The following COL13A1 variants were observed in gnomAD, a reference collection of about 807,000 sequenced individuals.
COL13A1 encodes collagen type XIII alpha 1 chain.
Under a neutral mutation model 130.9 loss-of-function variants are expected in COL13A1, and 89 were observed. The ratio of observed to expected loss-of-function variants is 0.68; its 90% CI spans 0.57 to 0.81. COL13A1 has a LOEUF of 0.81. Among genes scored for constraint, COL13A1 ranks in the 30% least tolerant of loss-of-function variants. The probability of loss-of-function intolerance (pLI) is 0.00; values close to 1 mark genes in which losing one functional copy is unlikely to be tolerated. For synonymous variants in COL13A1, 402 were observed against 341.6 expected (o/e 1.18, Z -1.95); for missense variants, 879 against 934.6 (o/e 0.94, Z 0.78).
intron 7 of COL13A1, among the ~76,000 whole-genome samples, chr10:69,883,320 G>C (rs1028162094): frequency 2.0e-5 from 3 of 152,208 alleles, no homozygotes; most frequent in African/African-American, 7.2e-5. Flanking sequence ...CTACCTCAAA[G>C]TGTGCCCATT....
chr10:69,879,410 G>A (rs1209844666), intron 6 of COL13A1: 2 of 152,170 alleles, frequency 1.3e-5, no homozygotes, highest in African/African-American at 4.8e-5. Flanking sequence ...CAGATGAGAA[G>A]ACAGGCACGG....
At chr10:69,952,229 C>T (rs2136318347) in intron 38 of COL13A1, among the ~76,000 whole-genome samples, 1 of 152,306 alleles carries the variant, frequency 6.6e-6, no homozygotes, top group Middle Eastern at 3.4e-3. Flanking sequence ...TACATATGTG[C>T]ACATGGACAC....
intron 38 of COL13A1, among the ~76,000 whole-genome samples, chr10:69,950,218 C>A (rs973423512): frequency 6.6e-6 from 1 of 152,110 alleles, no homozygotes; most frequent in African/African-American, 2.4e-5. Flanking sequence ...TTTTAAGAAG[C>A]CTTTGCCCCT....
intron 37 of COL13A1, 82 bp downstream of exon 37, chr10:69,945,806 C>T (rs2068429330): frequency 6.5e-7 from 1 of 1,527,964 alleles, no homozygotes. Context: ...GGCATGGTGG[C>T]TCACACCTGT....
At chr10:69,917,766 G>A (rs1366676524) in intron 18 of COL13A1, among the ~76,000 whole-genome samples, 1 of 151,838 alleles carries the variant, frequency 6.6e-6, no homozygotes, top group Non-Finnish European at 1.5e-5. Flanking sequence ...CAGTCCATGA[G>A]GGCAGAGGTG....
At chr10:69,926,946 T>C in intron 26 of COL13A1, 141 bp from the exon 27 acceptor site, 1 of 1,109,364 alleles carries the variant, frequency 9.0e-7, no homozygotes, top group Non-Finnish European at 1.4e-6. Context: ...CTGGGGGCCA[T>C]GGAGCCCACC....
Position 69,872,194 on chromosome 10 carries a change from G to T in COL13A1, c.383G>T (p.Gly128Val). The change falls in exon 4 of 41, where the codon GGA becomes GTA. Residue 128 changes from glycine to valine, a missense_variant. Physicochemically the swap from Gly to Val is moderately radical, Grantham distance 109. Coordinates refer to ENST00000645393, the MANE Select transcript of COL13A1 (RefSeq NM_001368882.1). ...NCPPGPPGPT[G>V]RPGLPGDKGA... ...CACTCTTCATTTCAGGGTCCCACTGGAAGACCCGGACTCCCAGTAAGTCAC... is the reference window on the plus strand; with the variant it reads ...CACTCTTCATTTCAGGGTCCCACTGTAAGACCCGGACTCCCAGTAAGTCAC... 2 of 1,614,048 alleles carry T rather than the reference G, an allele frequency of 1.2e-6. No individual in the cohort carries two copies. Among genetic ancestry groups the T allele is most frequent in the Non-Finnish European group, 1.7e-6 (2 of 1,179,908 alleles).
intron 2 of COL13A1, among the ~76,000 whole-genome samples, chr10:69,824,391 T>C (rs897161227): frequency 6.6e-6 from 1 of 152,228 alleles, no homozygotes. Flanking sequence ...AGCACATCAG[T>C]TGTCTGATGG....
At chr10:69,817,609 G>A (rs1844906999) in intron 1 of COL13A1, among the ~76,000 whole-genome samples, 1 of 152,100 alleles carries the variant, frequency 6.6e-6, no homozygotes, top group African/African-American at 2.4e-5. Flanking sequence ...CCTGTGTGCA[G>A]GGGTGGGGTA....
intron 2 of COL13A1, among the ~76,000 whole-genome samples, chr10:69,866,570 C>G (rs1411817256): frequency 2.0e-5 from 3 of 152,132 alleles, no homozygotes; most frequent in Non-Finnish European, 4.4e-5. Context: ...CAGATGCTCC[C>G]CCTGCTCTGT....
At chr10:69,822,678 G>A (rs1433250688) in intron 2 of COL13A1, among the ~76,000 whole-genome samples, 1 of 152,188 alleles carries the variant, frequency 6.6e-6, no homozygotes, top group Non-Finnish European at 1.5e-5. Context: ...GATACTCTTT[G>A]AACCAGGTTG....
chr10:69,867,754 T>C, intron 2 of COL13A1, 44 bp from the exon 3 acceptor site: 1 of 718,022 alleles, frequency 1.4e-6, no homozygotes, highest in Non-Finnish European at 2.6e-6. Context: ...CACCGCCCCC[T>C]ACAGCAATGA....
chr10:69,805,046 G>A (rs558218762), intron 1 of COL13A1, among the ~76,000 whole-genome samples: 18 of 152,280 alleles, frequency 1.2e-4, no homozygotes, highest in African/African-American at 3.8e-4. Context: ...TGAGGCTGGG[G>A]GCCAGAGGGA....
At chr10:69,882,827 C>T (rs1326118782) in intron 7 of COL13A1, among the ~76,000 whole-genome samples, 3 of 152,234 alleles carry the variant, frequency 2.0e-5, no homozygotes, top group East Asian at 3.8e-4. Context: ...GCCCCCATCA[C>T]CCAGTGGCTC....
chr10:69,874,882 C>T (rs1331432695), intron 4 of COL13A1, among the ~76,000 whole-genome samples: 1 of 152,158 alleles, frequency 6.6e-6, no homozygotes, highest in Non-Finnish European at 1.5e-5. Flanking sequence ...CTCCTCCTTC[C>T]ATGCTCTTTC....
intron 4 of COL13A1, among the ~76,000 whole-genome samples, chr10:69,873,276 CT>C (rs1447232823): frequency 8.5e-5 from 13 of 152,194 alleles, no homozygotes; most frequent in African/African-American, 2.4e-4. Context: ...AATCCAACAG[CT>C]TCTAAAATTC....
At chr10:69,839,165 C>G (rs1442102652) in intron 2 of COL13A1, among the ~76,000 whole-genome samples, 2 of 151,892 alleles carry the variant, frequency 1.3e-5, no homozygotes, top group Non-Finnish European at 2.9e-5. Flanking sequence ...AGAGGTGACC[C>G]ATTCATTCAT....
intron 20 of COL13A1, 69 bp downstream of exon 20, chr10:69,919,157 CT>C: frequency 6.2e-7 from 1 of 1,601,264 alleles, no homozygotes; most frequent in East Asian, 2.2e-5. Context: ...GGAGGGGCTG[CT>C]GCTGTTTTGC....
At chr10:69,927,245 C>T (rs1033634072) in intron 27 of COL13A1, 135 bp downstream of exon 27, 1 of 1,389,214 alleles carries the variant, frequency 7.2e-7, no homozygotes, top group Non-Finnish European at 1.0e-6. Flanking sequence ...CCCAACAGGG[C>T]TGGGGCAGAT....
Sources: gnomAD v4.1 joint callset for allele counts (sites outside exome capture counted in the v4.1 genomes callset) on GRCh38, gnomAD v4.1.1 for gene constraint, MANE v1.5 for transcripts, NCBI Gene and HGNC (gene_info 2026-07-23, HGNC 2026-07-21) for gene names.